The following HUNK variants were observed in gnomAD, a reference collection of about 807,000 sequenced individuals.
HUNK encodes hormonally up-regulated neu tumor-associated kinase.
A neutral mutation model predicts 61.0 loss-of-function variants in HUNK; 21 were observed. That is an observed-to-expected ratio of 0.34 (90% CI 0.24 to 0.50). The LOEUF (loss-of-function observed/expected upper bound fraction) is 0.50, where lower values mean the gene tolerates loss of function less well. Ranked by LOEUF, HUNK falls within the 20% of genes least tolerant of loss-of-function variation. HUNK has a pLI of 0.98. For synonymous variants in HUNK, 371 were observed against 386.1 expected, an observed-to-expected ratio of 0.96 and a Z score of 0.46; for missense variants, 772 against 945.7, an observed-to-expected ratio of 0.82 and a Z score of 2.41.
chr21:31,897,899 C>T (rs2052436298), intron 1 of HUNK, among the ~76,000 whole-genome samples: 2 of 152,094 alleles, frequency 1.3e-5, no homozygotes, highest in South Asian at 2.1e-4. Context: ...TCTATCTTTC[C>T]GAGATGCTCA....
At chr21:31,879,835 C>G (rs1227086310) in intron 1 of HUNK, among the ~76,000 whole-genome samples, 2 of 152,176 alleles carry the variant, frequency 1.3e-5, no homozygotes, top group Admixed American at 1.3e-4. Context: ...TATATTCCCT[C>G]TGTCGATTAT....
intron 5 of HUNK, among the ~76,000 whole-genome samples, chr21:31,965,101 T>G (rs1033099731): frequency 6.6e-6 from 1 of 152,182 alleles, no homozygotes; most frequent in Non-Finnish European, 1.5e-5. Context: ...GGAAGGGAGA[T>G]AGACATTCTG....
intron 5 of HUNK, among the ~76,000 whole-genome samples, chr21:31,960,046 A>C (rs1193124617): frequency 6.6e-6 from 1 of 152,228 alleles, no homozygotes; most frequent in Non-Finnish European, 1.5e-5. Flanking sequence ...AAATGTGCAA[A>C]ATGTCAAACC....
chr21:31,879,615 G>A (rs551388391), intron 1 of HUNK, among the ~76,000 whole-genome samples: 2 of 152,180 alleles, frequency 1.3e-5, no homozygotes, highest in African/African-American at 2.4e-5. Flanking sequence ...ATAGCTACCC[G>A]TGCATACCAA....
intron 1 of HUNK, among the ~76,000 whole-genome samples, chr21:31,894,555 T>C (rs2052412802): frequency 6.6e-6 from 1 of 152,190 alleles, no homozygotes; most frequent in South Asian, 2.1e-4. Flanking sequence ...TGGTAACCTG[T>C]ATGGGCTTTT....
At chr21:31,931,231 G>C (rs1489912257) in intron 2 of HUNK, among the ~76,000 whole-genome samples, 2 of 152,056 alleles carry the variant, frequency 1.3e-5, no homozygotes, top group African/African-American at 2.4e-5. Flanking sequence ...ACTTAATCCT[G>C]TCTGAGTTGG....
intron 1 of HUNK, among the ~76,000 whole-genome samples, chr21:31,896,762 A>G (rs1022814856): frequency 3.3e-5 from 5 of 152,204 alleles, no homozygotes; most frequent in Non-Finnish European, 7.3e-5. Context: ...TGTTTGTAGG[A>G]TATTGACACA....
At chr21:31,968,774 CTA>C (rs1245597693) in intron 6 of HUNK, among the ~76,000 whole-genome samples, 1 of 139,268 alleles carries the variant, frequency 7.2e-6, no homozygotes, top group Non-Finnish European at 1.5e-5. Flanking sequence ...GAGTGAGTGT[CTA>C]TGTCTGCTTG....
chr21:31,995,686 A>C, intron 9 of HUNK, 82 bp from the exon 10 acceptor site: 1 of 1,081,532 alleles, frequency 9.2e-7, no homozygotes, highest in East Asian at 2.4e-5. Flanking sequence ...TTCTCTAATC[A>C]GTTTGGATGA....
In HUNK at chr21:31,979,515, C is replaced by CTTTTT. The variant is rs71193166; in HGVS notation, c.1174-3987_1174-3983dup. Among the ~76,000 whole-genome samples the CTTTTT allele has an allele frequency of 1.0e-3, 35 of 34,346 alleles. 2 individuals are homozygous for CTTTTT. Among genetic ancestry groups the CTTTTT allele is most frequent in the Non-Finnish European group, 1.5e-3 (27 of 17,584 alleles). 22.5% of individuals were successfully genotyped at this position (34,346 alleles called of 152,430 possible). On this transcript the variant is annotated intron_variant, in intron 7 of 10. Transcript: ENST00000270112. ...TTCTGGCTATTGAGTTGTTTGCATT[C>CTTTTT]TTTTTTTTTTTTTTTTTTTTTTTTT...
chr21:31,900,267 T>TTAG (rs1357711311), intron 1 of HUNK, among the ~76,000 whole-genome samples: 2 of 152,130 alleles, frequency 1.3e-5, no homozygotes, highest in Non-Finnish European at 2.9e-5. Flanking sequence ...AAATGCCACG[T>TTAG]TAGTTCTTCC....
At position 31,974,809 on chromosome 21, in the gene HUNK, C is replaced by A. The variant is rs115793516; in HGVS notation, c.1173+92C>A. On this transcript the variant is annotated intron_variant, in intron 7 of 10. Transcript: ENST00000270112. ...GCTTCTCAGTTGCTGACACTTGATC[C>A]AAGCTGCTAATTTAATCTAATGTGA... 9.0e-4 allele frequency: 1,103 copies of A among 1,228,656 alleles called. 11 individuals are homozygous for A. In the African/African-American group the frequency reaches 0.015, roughly 17 times the overall value. The allele number at this position is 1,228,656 out of a possible 1,614,324, so 76.1% of individuals were successfully genotyped here.
chr21:31,932,962 G>A (rs913147751), intron 2 of HUNK, among the ~76,000 whole-genome samples: 1 of 149,372 alleles, frequency 6.7e-6, no homozygotes, highest in African/African-American at 2.5e-5. Flanking sequence ...CCCCAGGCTG[G>A]AGTGCAGTGG....
At chr21:31,894,705 G>A (rs556132706) in intron 1 of HUNK, among the ~76,000 whole-genome samples, 1 of 152,290 alleles carries the variant, frequency 6.6e-6, no homozygotes, top group East Asian at 1.9e-4. Flanking sequence ...TTGGACAAAG[G>A]CTTCCTGTTT....
chr21:31,990,670 G>A (rs1298248921), intron 9 of HUNK, among the ~76,000 whole-genome samples: 1 of 151,842 alleles, frequency 6.6e-6, no homozygotes, highest in Non-Finnish European at 1.5e-5. Context: ...CGAGTAGCTG[G>A]GATTACAGGT....
intron 8 of HUNK, among the ~76,000 whole-genome samples, chr21:31,985,990 G>A (rs1425042065): frequency 6.6e-6 from 1 of 152,100 alleles, no homozygotes; most frequent in Admixed American, 6.5e-5. Context: ...TGAGGATGGA[G>A]ACAAGCCCTT....
In HUNK at chr21:31,995,794, A is replaced by C. The variant is rs796274193; in HGVS notation, c.1332A>C (p.Lys444Asn). 1 of 1,614,014 alleles carries C rather than the reference A, an allele frequency of 6.2e-7. No individual in the cohort carries two copies. The change falls in exon 10 of 11, where the codon AAA becomes AAC. Residue 444 changes from lysine to asparagine, a missense_variant. By Grantham distance (94) the Lys-to-Asn change is moderately conservative. Coordinates refer to ENST00000270112, the MANE Select transcript of HUNK (RefSeq NM_014586.2). ...ATAAAAAGCCCAAAGAACAAGAAAAAAGAGGGGATTTTCTTCATCGACCAT... is the reference window on the plus strand; with the variant it reads ...ATAAAAAGCCCAAAGAACAAGAAAACAGAGGGGATTTTCTTCATCGACCAT... ...VQDKKPKEQE[K>N]RGDFLHRPFS... is the part of the protein sequence containing the mutation.
chr21:31,976,581 C>T (rs866250696), intron 7 of HUNK, among the ~76,000 whole-genome samples: 29 of 149,304 alleles, frequency 1.9e-4, no homozygotes, highest in African/African-American at 6.4e-4. Flanking sequence ...ATTCTCCTGC[C>T]TCAGCCTCCT....
chr21:31,932,615 C>T (rs1342311538), intron 2 of HUNK, among the ~76,000 whole-genome samples: 1 of 152,154 alleles, frequency 6.6e-6, no homozygotes, highest in Non-Finnish European at 1.5e-5. Flanking sequence ...CTTTCCGGAT[C>T]TCTGTAAAAA....
Sources: gnomAD v4.1 joint callset for allele counts (sites outside exome capture counted in the v4.1 genomes callset) on GRCh38, gnomAD v4.1.1 for gene constraint, MANE v1.5 for transcripts, NCBI Gene and HGNC (gene_info 2026-07-23, HGNC 2026-07-21) for gene names.